The following MTA3 variants were observed in gnomAD, a reference collection of about 807,000 sequenced individuals.
MTA3 encodes metastasis associated 1 family member 3.
In MTA3, 34 loss-of-function variants were observed where a neutral mutation model predicts 83.5. That is an observed-to-expected ratio of 0.41 (90% CI 0.31 to 0.54). MTA3 has a LOEUF of 0.54. Among genes scored for constraint, MTA3 ranks in the 20% least tolerant of loss-of-function variants. The pLI is 0.33. For missense variants in MTA3, 761 were observed against 726.4 expected (o/e 1.05, Z -0.55); for synonymous variants, 303 against 252.7 (o/e 1.20, Z -1.89).
At chr2:42,660,376 C>T (rs112648879) in intron 8 of MTA3, among the ~76,000 whole-genome samples, 12 of 152,254 alleles carry the variant, frequency 7.9e-5, no homozygotes, top group African/African-American at 2.6e-4. Flanking sequence ...CATGAGCCAC[C>T]ACACCCGGCC....
intron 16 of MTA3, among the ~76,000 whole-genome samples, chr2:42,727,167 T>C (rs1483325805): frequency 1.3e-5 from 2 of 152,120 alleles, no homozygotes; most frequent in South Asian, 2.1e-4. Context: ...CACTGTACTC[T>C]AGCCTGGGTT....
intron 6 of MTA3, among the ~76,000 whole-genome samples, chr2:42,644,542 A>G (rs574063725): frequency 1.3e-5 from 2 of 152,274 alleles, no homozygotes; most frequent in South Asian, 4.1e-4. Flanking sequence ...TAGAATTACA[A>G]AATTGCCTCA....
At chr2:42,498,238 A>G (rs1674235068) in intron 2 of MTA3, among the ~76,000 whole-genome samples, 1 of 152,230 alleles carries the variant, frequency 6.6e-6, no homozygotes, top group Admixed American at 6.5e-5. Flanking sequence ...ACTTTTAAAG[A>G]CAGCTTTTCG....
At chr2:42,688,065 T>G (rs1007871534) in intron 9 of MTA3, among the ~76,000 whole-genome samples, 1 of 152,220 alleles carries the variant, frequency 6.6e-6, no homozygotes, top group East Asian at 1.9e-4. Context: ...TACAGCCACT[T>G]GGGAAAACAG....
chr2:42,648,257 A>G (rs1016161339), intron 6 of MTA3, among the ~76,000 whole-genome samples: 1 of 152,222 alleles, frequency 6.6e-6, no homozygotes, highest in African/African-American at 2.4e-5. Context: ...AGAAACTCCC[A>G]TATGTAGCTA....
chr2:42,578,536 G>T (rs6544565), intron 2 of MTA3, among the ~76,000 whole-genome samples: 5 of 152,148 alleles, frequency 3.3e-5, no homozygotes, highest in Non-Finnish European at 5.9e-5. Context: ...CTTCCTTGGT[G>T]TAGAGAATGC....
intron 4 of MTA3, among the ~76,000 whole-genome samples, chr2:42,639,308 G>C (rs975094489): frequency 6.6e-6 from 1 of 152,002 alleles, no homozygotes. Context: ...TTTTTGTTTA[G>C]AAAATCAAAT....
chr2:42,576,305 A>G (rs1339241553), intron 2 of MTA3, among the ~76,000 whole-genome samples: 1 of 152,214 alleles, frequency 6.6e-6, no homozygotes, highest in Non-Finnish European at 1.5e-5. Flanking sequence ...TCCTTTAGGT[A>G]GGGTGGAACA....
chr2:42,675,495 C>G (rs1006753582), intron 8 of MTA3, among the ~76,000 whole-genome samples: 8 of 152,096 alleles, frequency 5.3e-5, no homozygotes, highest in Non-Finnish European at 1.0e-4. Context: ...ATAGAGTGCC[C>G]TACAGTTTGT....
chr2:42,664,974 G>A (rs1366763689), intron 8 of MTA3, among the ~76,000 whole-genome samples: 1 of 152,172 alleles, frequency 6.6e-6, no homozygotes, highest in East Asian at 1.9e-4. Flanking sequence ...ATATAGTTGA[G>A]CTGTGAATTT....
At chr2:42,667,572 G>GTGTGTGTGTGTGTGTGTGTT (rs1558562131) in intron 8 of MTA3, among the ~76,000 whole-genome samples, 325 of 20,228 alleles carry the variant, frequency 0.016, 2 homozygotes, top group African/African-American at 0.14. Flanking sequence ...TTTAAAAATT[G>GTGTGTGTGTGTGTGTGTGTT]TGTGTGTGTG....
In MTA3 at chr2:42,586,274, CA is replaced by C. The variant is rs1257913509; in HGVS notation, c.190+7078del. ...GGACAACAGGAGTGAAACTCCATCT[CA>C]AAAGAAAAAAAAAAAAAAGAAAATT... On this transcript the variant is annotated intron_variant, in intron 3 of 16. Transcript: ENST00000405094. Among the ~76,000 whole-genome samples the C allele has an allele frequency of 2.6e-3, 337 of 131,502 alleles. 2 individuals are homozygous for C. Among genetic ancestry groups the C allele is most frequent in the African/African-American group, 9.1e-3 (321 of 35,232 alleles). The allele number at this position is 131,502 out of a possible 152,430, so 86.3% of individuals were successfully genotyped here.
At chr2:42,616,370 G>T (rs927846287) in intron 4 of MTA3, among the ~76,000 whole-genome samples, 4 of 150,478 alleles carry the variant, frequency 2.7e-5, no homozygotes, top group African/African-American at 9.8e-5. Context: ...TGGCCTAGGT[G>T]GTTCTATTTA....
At chr2:42,578,973 G>C in intron 2 of MTA3, 134 bp from the exon 3 acceptor site, 1 of 572,262 alleles carries the variant, frequency 1.7e-6, no homozygotes, top group Non-Finnish European at 3.1e-6. Context: ...TTAGCTCTGT[G>C]GTTATCCTGC....
chr2:42,564,938 G>A (rs534760347), upstream of MTA3, among the ~76,000 whole-genome samples: 16 of 151,940 alleles, frequency 1.1e-4, no homozygotes, highest in African/African-American at 2.9e-4. Flanking sequence ...CACCATGCCC[G>A]GCTAATTTTT....
At chr2:42,583,458 C>G (rs1006942885) in intron 3 of MTA3, among the ~76,000 whole-genome samples, 3 of 152,172 alleles carry the variant, frequency 2.0e-5, no homozygotes, top group African/African-American at 7.2e-5. Flanking sequence ...GAGTTCAAAA[C>G]TGGAGTCCTG....
intron 2 of MTA3, among the ~76,000 whole-genome samples, chr2:42,525,197 CT>C (rs1247299600): frequency 1.6e-3 from 99 of 62,700 alleles, no homozygotes; most frequent in East Asian, 2.1e-3. Context: ...TCTTCTTCTT[CT>C]TTTTTTTTTT....
chr2:42,708,437 A>G (rs1051367287), intron 13 of MTA3, among the ~76,000 whole-genome samples: 1 of 152,220 alleles, frequency 6.6e-6, no homozygotes, highest in Non-Finnish European at 1.5e-5. Context: ...TGGAGGGACA[A>G]GAAGTATGGA....
At chr2:42,643,283 G>A (rs1414817949) in intron 5 of MTA3, among the ~76,000 whole-genome samples, 1 of 152,180 alleles carries the variant, frequency 6.6e-6, no homozygotes, top group East Asian at 1.9e-4. Context: ...GGTCCTTCCA[G>A]GATATAATAC....
Sources: gnomAD v4.1 joint callset for allele counts (sites outside exome capture counted in the v4.1 genomes callset) on GRCh38, gnomAD v4.1.1 for gene constraint, MANE v1.5 for transcripts, NCBI Gene and HGNC (gene_info 2026-07-23, HGNC 2026-07-21) for gene names.